RAB6A: variants seen among roughly 807,000 people sequenced by gnomAD.
The protein encoded by RAB6A is RAB6A, member RAS oncogene family.
Under a neutral mutation model 32.3 loss-of-function variants are expected in RAB6A, and 8 were observed. That is an observed-to-expected ratio of 0.25 (90% CI 0.15 to 0.45). The LOEUF (loss-of-function observed/expected upper bound fraction) is 0.45. Among genes scored for constraint, RAB6A ranks in the 20% least tolerant of loss-of-function variants. The probability of loss-of-function intolerance (pLI) is 1.00; values close to 1 mark genes in which losing one functional copy is unlikely to be tolerated. For missense variants in RAB6A, 104 were observed against 249.4 expected (o/e 0.42, Z 3.93); for synonymous variants, 73 against 82.1 (o/e 0.89, Z 0.60).
intron 1 of RAB6A, among the ~76,000 whole-genome samples, chr11:73,747,208 C>CA (rs1555068407): frequency 1.5e-5 from 2 of 131,802 alleles, no homozygotes; most frequent in East Asian, 4.5e-4. Context: ...CAAAATCTTC[C>CA]TTTTTTTTTT....
In RAB6A at chr11:73,716,293, A is replaced by G; in HGVS notation, c.359T>C (p.Ile120Thr). 1.9e-6 allele frequency: 3 copies of G among 1,613,588 alleles called. No homozygotes were observed. The highest frequency in any genetic ancestry group is 2.5e-6 in the Non-Finnish European group (3 of 1,179,508). ...DVRTERGSDV[I>T]IMLVGNKTDL... ...TGTTTTATTTCCTACTAGCATGATG[A>G]TAACATCACTTCCTCTTTCTGTTCT... The change falls in exon 5 of 8, where the codon ATC (isoleucine) becomes ACC (threonine). Residue 120 changes from isoleucine (I) to threonine (T), a missense_variant. Physicochemically the swap from Ile to Thr is moderately conservative, Grantham distance 89. Coordinates refer to ENST00000336083, the MANE Select transcript of RAB6A (RefSeq NM_198896.2).
intron 1 of RAB6A, among the ~76,000 whole-genome samples, chr11:73,740,836 C>T (rs1028689747): frequency 2.0e-5 from 3 of 150,814 alleles, no homozygotes; most frequent in Non-Finnish European, 4.4e-5. Context: ...TGCAGTGAGC[C>T]GAGATCACGC....
chr11:73,758,872 A>G (rs1041016269), intron 1 of RAB6A, among the ~76,000 whole-genome samples: 1 of 152,184 alleles, frequency 6.6e-6, no homozygotes, highest in Non-Finnish European at 1.5e-5. Flanking sequence ...GACTAGAAGC[A>G]ACTCCATAGG....
chr11:73,735,777 C>A (rs372552992), intron 1 of RAB6A, among the ~76,000 whole-genome samples: 1 of 151,866 alleles, frequency 6.6e-6, no homozygotes, highest in Non-Finnish European at 1.5e-5. Flanking sequence ...TCTGTAATAA[C>A]CCATATGCAG....
At chr11:73,753,805 G>A (rs1590895523) in intron 1 of RAB6A, among the ~76,000 whole-genome samples, 2 of 152,014 alleles carry the variant, frequency 1.3e-5, no homozygotes, top group East Asian at 1.9e-4. Context: ...GAGCCACCAC[G>A]CCCAGCCTTA....
intron 5 of RAB6A, among the ~76,000 whole-genome samples, chr11:73,709,962 T>TATATA (rs113487024): frequency 0.16 from 21,145 of 132,124 alleles, 1,681 homozygotes; most frequent in African/African-American, 0.23. Context: ...TATATATATA[T>TATATA]TTTTTTTTTT....
At chr11:73,729,694 T>G (rs1946275790) in intron 2 of RAB6A, 1 of 152,200 alleles carries the variant, frequency 6.6e-6, no homozygotes, top group African/African-American at 2.4e-5. Flanking sequence ...CCTGCCAGGA[T>G]TAGCTTTTTC....
At chr11:73,744,511 CAAAAAAAAAAAAAAAAAAAAAAAA>C (rs555388622) in intron 1 of RAB6A, among the ~76,000 whole-genome samples, 8 of 63,772 alleles carry the variant, frequency 1.3e-4, no homozygotes, top group African/African-American at 3.6e-4. Flanking sequence ...ACCCTGTCTC[CAAAAAAAAAAAAAAAAAAAAAAAA>C]AAAAAAAAAA....
chr11:73,705,438 C>A (rs560618147), intron 6 of RAB6A, among the ~76,000 whole-genome samples: 1 of 152,266 alleles, frequency 6.6e-6, no homozygotes, highest in African/African-American at 2.4e-5. Context: ...ATCCCAGCTA[C>A]TGGGGAGTGT....
At chr11:73,707,838 GCCA>G (rs889845507) in intron 5 of RAB6A, among the ~76,000 whole-genome samples, 32 of 151,930 alleles carry the variant, frequency 2.1e-4, no homozygotes, top group Non-Finnish European at 1.5e-5. Flanking sequence ...CCATTATTAG[GCCA>G]CCACATCACT....
chr11:73,685,583 G>A (rs190203619), intron 6 of RAB6A, among the ~76,000 whole-genome samples: 1,151 of 8,086 alleles, frequency 0.14, 21 homozygotes, highest in South Asian at 0.39. Flanking sequence ...CACCACGCCC[G>A]GACTGAAAGT....
intron 6 of RAB6A, among the ~76,000 whole-genome samples, chr11:73,684,770 T>C (rs1442133265): frequency 6.6e-6 from 1 of 152,220 alleles, no homozygotes; most frequent in Non-Finnish European, 1.5e-5. Context: ...AAGAGTTTCC[T>C]GAACACATGT....
At chr11:73,757,624 C>T (rs886300628) in intron 1 of RAB6A, among the ~76,000 whole-genome samples, 2 of 151,672 alleles carry the variant, frequency 1.3e-5, no homozygotes, top group Non-Finnish European at 2.9e-5. Context: ...TTGCTCAACT[C>T]AAAAAAAAGT....
At chr11:73,752,498 A>G (rs1368163762) in intron 1 of RAB6A, among the ~76,000 whole-genome samples, 2 of 152,182 alleles carry the variant, frequency 1.3e-5, no homozygotes, top group Non-Finnish European at 2.9e-5. Flanking sequence ...AACATTCAGA[A>G]GATGAACAAA....
At chr11:73,758,744 G>T (rs1946797996) in intron 1 of RAB6A, among the ~76,000 whole-genome samples, 1 of 152,136 alleles carries the variant, frequency 6.6e-6, no homozygotes, top group Admixed American at 6.5e-5. Context: ...CACAACATAA[G>T]GAAGGCAATA....
intron 1 of RAB6A, among the ~76,000 whole-genome samples, chr11:73,751,540 AGAAG>A (rs1181648535): frequency 6.6e-6 from 1 of 152,214 alleles, no homozygotes; most frequent in Non-Finnish European, 1.5e-5. Flanking sequence ...AGCTAAAAAC[AGAAG>A]GAAGGGATGA....
chr11:73,736,799 AAAAAAAAAAG>A (rs1356109520), intron 1 of RAB6A, among the ~76,000 whole-genome samples: 4 of 101,592 alleles, frequency 3.9e-5, no homozygotes, highest in Admixed American at 2.5e-4. Context: ...CTCGAGAAAG[AAAAAAAAAAG>A]AAAAAAAAAA....
intron 6 of RAB6A, among the ~76,000 whole-genome samples, chr11:73,691,834 A>G (rs1399021953): frequency 1.3e-5 from 2 of 152,108 alleles, no homozygotes; most frequent in East Asian, 3.9e-4. Flanking sequence ...TTAGCTGGGC[A>G]TGGTGGCTTG....
intron 6 of RAB6A, among the ~76,000 whole-genome samples, chr11:73,681,554 T>C (rs1945356775): frequency 6.6e-6 from 1 of 152,252 alleles, no homozygotes; most frequent in Non-Finnish European, 1.5e-5. Context: ...GGCTCACGCC[T>C]GTAATCTCAG....
Sources: gnomAD v4.1 joint callset for allele counts (sites outside exome capture counted in the v4.1 genomes callset) on GRCh38, gnomAD v4.1.1 for gene constraint, MANE v1.5 for transcripts, NCBI Gene and HGNC (gene_info 2026-07-23, HGNC 2026-07-21) for gene names.